MCTP2: variants seen among roughly 807,000 people sequenced by gnomAD.
MCTP2 encodes the protein multiple C2 and transmembrane domain containing 2.
A neutral mutation model predicts 111.6 loss-of-function variants in MCTP2; 132 were observed. The ratio of observed to expected loss-of-function variants is 1.18; its 90% CI spans 1.03 to 1.37. The LOEUF (loss-of-function observed/expected upper bound fraction) is 1.37, where lower values mean the gene tolerates loss of function less well. MCTP2 is among the 40% of genes most tolerant of loss of function. The probability of loss-of-function intolerance (pLI) is 0.00; values close to 1 mark genes in which losing one functional copy is unlikely to be tolerated. For missense variants in MCTP2, 1,183 were observed against 1,067.9 expected (o/e 1.11, Z -1.50); for synonymous variants, 395 against 387.7 (o/e 1.02, Z -0.22).
chr15:94,365,328 C>T (rs2079129075), intron 10 of MCTP2, among the ~76,000 whole-genome samples: 1 of 152,192 alleles, frequency 6.6e-6, no homozygotes, highest in Non-Finnish European at 1.5e-5. Context: ...ATCTAAACTA[C>T]AAATGGCTAT....
intron 15 of MCTP2, 36 bp downstream of exon 15, chr15:94,399,098 G>C (rs370904150): frequency 7.3e-6 from 8 of 1,095,400 alleles, no homozygotes; most frequent in African/African-American, 4.7e-5. Flanking sequence ...CGGCTTTCCC[G>C]TACCTAAAAT....
At chr15:94,458,064 G>A in intron 19 of MCTP2, 73 bp from the exon 20 acceptor site, 1 of 830,368 alleles carries the variant, frequency 1.2e-6, no homozygotes, top group Non-Finnish European at 2.0e-6. Flanking sequence ...ATTATAACAT[G>A]TTATAATATT....
intron 12 of MCTP2, among the ~76,000 whole-genome samples, chr15:94,378,537 A>C (rs1268018768): frequency 6.6e-6 from 1 of 152,210 alleles, no homozygotes; most frequent in Non-Finnish European, 1.5e-5. Flanking sequence ...GTATTTAAAA[A>C]ATACAAATAA....
chr15:94,445,773 G>T (rs1030086012), intron 19 of MCTP2, among the ~76,000 whole-genome samples: 5 of 152,240 alleles, frequency 3.3e-5, no homozygotes, highest in Non-Finnish European at 1.5e-5. Flanking sequence ...CTCAGTGAGA[G>T]ATGAACTGTT....
intron 14 of MCTP2, among the ~76,000 whole-genome samples, chr15:94,388,672 A>G (rs2080670507): frequency 6.6e-6 from 1 of 152,180 alleles, no homozygotes; most frequent in South Asian, 2.1e-4. Context: ...ACAATAGAAT[A>G]GTGAACTAGC....
chr15:94,380,900 A>G (rs923590766), intron 12 of MCTP2, among the ~76,000 whole-genome samples: 1 of 152,246 alleles, frequency 6.6e-6, no homozygotes, highest in African/African-American at 2.4e-5. Context: ...TTGCCATTCA[A>G]GAAATACAAA....
intron 12 of MCTP2, among the ~76,000 whole-genome samples, chr15:94,371,160 A>G (rs115903187): frequency 7.6e-4 from 116 of 152,250 alleles, no homozygotes; most frequent in African/African-American, 2.7e-3. Context: ...CCTGCTCAAA[A>G]ATGAAGCAAT....
chr15:94,258,998 G>A (rs1390993667), intron 1 of MCTP2, among the ~76,000 whole-genome samples: 1 of 152,064 alleles, frequency 6.6e-6, no homozygotes, highest in Non-Finnish European at 1.5e-5. Flanking sequence ...ACATTATTCA[G>A]CATACACTAA....
intron 12 of MCTP2, among the ~76,000 whole-genome samples, chr15:94,374,874 G>A (rs1261258005): frequency 1.3e-5 from 2 of 152,148 alleles, no homozygotes; most frequent in South Asian, 2.1e-4. Context: ...CTAGCTCGGT[G>A]GGGGAGGATA....
intron 17 of MCTP2, among the ~76,000 whole-genome samples, chr15:94,415,840 A>AT (rs1202840455): frequency 7.2e-5 from 11 of 152,198 alleles, no homozygotes; most frequent in Admixed American, 7.2e-4. Context: ...GAGAGCTGAT[A>AT]TAGCAATTTT....
At position 94,356,160 on chromosome 15, in the gene MCTP2, G is replaced by C. The variant is rs1188803445; in HGVS notation, c.1029G>C (p.Arg343=). ...ASKSSLIRNL[R]LSESLKKNQL... ...AGTCCTCTTTGATACGCAACCTACGGCTCTCTGAGTCCTTGAAAAAGAACC... is the reference window on the plus strand; with the variant it reads ...AGTCCTCTTTGATACGCAACCTACGCCTCTCTGAGTCCTTGAAAAAGAACC... The change falls in exon 9 of 23, where the codon CGG becomes CGC. Residue 343 remains arginine (R), a synonymous_variant. Coordinates refer to ENST00000357742, the MANE Select transcript of MCTP2 (RefSeq NM_001385001.1). 6.2e-7 allele frequency: 1 copy of C among 1,609,932 alleles called. No individual in the cohort carries two copies. The highest frequency in any genetic ancestry group is 2.2e-5 in the East Asian group (1 of 44,716).
chr15:94,314,889 G>T, intron 3 of MCTP2: 1 of 397,676 alleles, frequency 2.5e-6, no homozygotes, highest in South Asian at 1.9e-5. Context: ...ATTAGAGTAA[G>T]AGACACTAAG....
At chr15:94,287,896 T>C (rs1315338774) in intron 1 of MCTP2, among the ~76,000 whole-genome samples, 3 of 152,146 alleles carry the variant, frequency 2.0e-5, no homozygotes, top group South Asian at 2.1e-4. Flanking sequence ...CCTCTAGCTG[T>C]GGCCCAAGGA....
chr15:94,465,890 A>G (rs981098459), intron 20 of MCTP2, among the ~76,000 whole-genome samples: 3 of 152,028 alleles, frequency 2.0e-5, no homozygotes, highest in African/African-American at 7.2e-5. Context: ...GTCACTTTTA[A>G]TGTCTTCCCA....
chr15:94,398,894 T>A, intron 14 of MCTP2, 67 bp from the exon 15 acceptor site: 1 of 938,176 alleles, frequency 1.1e-6, no homozygotes, highest in Non-Finnish European at 1.7e-6. Flanking sequence ...AAGTTAGTTT[T>A]GGTTATTTAC....
At chr15:94,356,409 C>A in intron 9 of MCTP2, 108 bp downstream of exon 9, 1 of 1,021,004 alleles carries the variant, frequency 9.8e-7, no homozygotes, top group Non-Finnish European at 1.3e-6. Flanking sequence ...TTATGTTCAG[C>A]CCGCCTAACT....
At position 94,479,066 on chromosome 15, in the gene MCTP2, A is replaced by G. The variant is rs1596883645; in HGVS notation, c.*32A>G. 6 of 1,608,920 alleles carry G rather than the reference A, an allele frequency of 3.7e-6. No individual in the cohort carries two copies. Among genetic ancestry groups the G allele is most frequent in the Middle Eastern group, 1.7e-4 (1 of 6,050 alleles). ...CACCGACTTTGGACAGCAGCACCCAATATTGTGTTTGGTTGAGTAGACCAA... is the reference window on the plus strand; with the variant it reads ...CACCGACTTTGGACAGCAGCACCCAGTATTGTGTTTGGTTGAGTAGACCAA... On this transcript the variant is annotated 3_prime_UTR_variant, in exon 23 of 23. Transcript: ENST00000357742.
chr15:94,309,470 G>A (rs12914270), intron 2 of MCTP2, among the ~76,000 whole-genome samples: 23,497 of 152,182 alleles, frequency 0.15, 2,037 homozygotes, highest in Non-Finnish European at 0.21. Context: ...CCTCTGAAAT[G>A]TAAACAAACA....
rs2074773917 is a variant in MCTP2, at chr15:94,482,456, G to A, written c.*3422G>A. The A allele has an allele frequency of 6.6e-6, 1 of 152,204 alleles. No individual in the cohort carries two copies. Among genetic ancestry groups the A allele is most frequent in the African/African-American group, 2.4e-5 (1 of 41,450 alleles). 9.4% of individuals were successfully genotyped at this position (152,204 alleles called of 1,614,324 possible). A position where few individuals can be genotyped will look rare whatever the true frequency, so the allele number is the denominator to read the frequency against. ...AGCGTAGAGTCAAGGATGGCTCTCAGTCCCTAGGTCTCCAGGTCTAGGAAG... is the reference window on the plus strand; with the variant it reads ...AGCGTAGAGTCAAGGATGGCTCTCAATCCCTAGGTCTCCAGGTCTAGGAAG... On this transcript the variant is annotated 3_prime_UTR_variant, in exon 23 of 23. Coordinates refer to ENST00000357742, the MANE Select transcript of MCTP2 (RefSeq NM_001385001.1).
Sources: allele counts gnomAD v4.1 joint callset (sites outside exome capture counted in the v4.1 genomes callset), GRCh38; gene constraint gnomAD v4.1.1; transcripts MANE v1.5; gene names NCBI Gene and HGNC (gene_info 2026-07-23, HGNC 2026-07-21).